PCDH15: variants seen among roughly 807,000 people sequenced by gnomAD.
PCDH15 encodes protocadherin related 15, also known as protocadherin-15.
Under a neutral mutation model 178.5 loss-of-function variants are expected in PCDH15, and 129 were observed. The observed-to-expected ratio is 0.72, with a 90% CI of 0.63 to 0.84. The LOEUF is 0.84. Ranked by LOEUF, PCDH15 falls within the 40% of genes least tolerant of loss-of-function variation. The pLI, the probability that PCDH15 is intolerant of heterozygous loss-of-function variation, is 0.00. For missense variants in PCDH15, 2,230 were observed against 2,099.9 expected (o/e 1.06, Z -1.21); for synonymous variants, 800 against 732.0 (o/e 1.09, Z -1.50).
In PCDH15 at chr10:53,849,874, A is replaced by G. The variant is rs2078240224; in HGVS notation, c.3806+7301T>C. 7.3e-5 allele frequency among the ~76,000 whole-genome samples: 11 copies of G among 150,512 alleles called. No homozygotes were observed. The South Asian group carries it at 2.1e-3, about 28-fold the overall frequency. On this transcript the variant is annotated intron_variant, in intron 28 of 37. Coordinates refer to ENST00000644397, the MANE Select transcript of PCDH15 (RefSeq NM_001384140.1). ...AGGCTCCGTCTCAAAAAAAAAAAAA[A>G]AAAAAAAAAGAAAGAAAGAAAAATT... is the stretch of plus-strand genomic sequence containing the variant.
chr10:55,060,548 T>G (rs1229418772), intron 2 of PCDH15, among the ~76,000 whole-genome samples: 1 of 152,000 alleles, frequency 6.6e-6, no homozygotes, highest in South Asian at 2.1e-4. Context: ...CAATATATTA[T>G]AGATCACAAA....
chr10:55,220,876 A>G (rs1840853929), intron 1 of PCDH15, among the ~76,000 whole-genome samples: 2 of 152,002 alleles, frequency 1.3e-5, no homozygotes, highest in South Asian at 4.1e-4. Context: ...TTTGTTTTCT[A>G]CAGATTCCTC....
At chr10:54,000,833 A>C (rs901934141) in intron 20 of PCDH15, among the ~76,000 whole-genome samples, 1 of 152,180 alleles carries the variant, frequency 6.6e-6, no homozygotes, top group Non-Finnish European at 1.5e-5. Context: ...ATCCAAGTAC[A>C]AAAGATTATA....
chr10:53,826,752 C>T (rs1488679357), intron 32 of PCDH15, among the ~76,000 whole-genome samples: 1 of 152,008 alleles, frequency 6.6e-6, no homozygotes, highest in Non-Finnish European at 1.5e-5. Flanking sequence ...AGTTTCAAAT[C>T]GTGCAGGAGA....
intron 3 of PCDH15, among the ~76,000 whole-genome samples, chr10:54,430,018 T>C (rs1337466626): frequency 6.7e-6 from 1 of 150,352 alleles, no homozygotes; most frequent in African/African-American, 2.4e-5. Context: ...TTTCATTCAA[T>C]AGCTGCAAAA....
chr10:55,491,786 C>T lies in PCDH15; in HGVS notation c.-156+135839G>A, dbSNP rs927617819. Among the ~76,000 whole-genome samples, 6 of 151,304 alleles carry T rather than the reference C, an allele frequency of 4.0e-5. No individual in the cohort carries two copies. In the East Asian group the frequency reaches 1.2e-3, roughly 30 times the overall value. ...AGAAATGTCAGCTCCAGAATAAAAG[C>T]AAATATGGCAGAACAGCCTGTTTAA... is the stretch of plus-strand genomic sequence containing the variant. On this transcript the variant is annotated intron_variant, in intron 2 of 5. Coordinates refer to the PCDH15 transcript ENST00000613346.
chr10:54,087,189 CAAT>C (rs2094528599), intron 16 of PCDH15, among the ~76,000 whole-genome samples: 1 of 149,822 alleles, frequency 6.7e-6, no homozygotes, highest in South Asian at 2.1e-4. Flanking sequence ...TAAAATCCAC[CAAT>C]TTAAAGGGTA....
At chr10:55,205,706 A>AAC (rs565804586) in intron 1 of PCDH15, among the ~76,000 whole-genome samples, 20 of 151,876 alleles carry the variant, frequency 1.3e-4, no homozygotes, top group Admixed American at 4.6e-4. Flanking sequence ...CCCCACCCTC[A>AAC]ACACACACAC....
rs757963596 is a variant in PCDH15 at position 55,211,152 on chromosome 10, G to A, written c.-155-44501C>T. ...GATGTGATGAAGGCAGTGGTAACAA[G>A]AATGAGACCAAAGGGGAAAGTGGGA... On this transcript the variant is annotated intron_variant, in intron 1 of 5. Transcript: ENST00000458638. Among the ~76,000 whole-genome samples the A allele has an allele frequency of 8.5e-5, 13 of 152,164 alleles. No individual in the cohort carries two copies. In the East Asian group the frequency reaches 1.5e-3, roughly 18 times the overall value.
At chr10:55,044,627 C>T (rs1385619659) in intron 2 of PCDH15, among the ~76,000 whole-genome samples, 1 of 152,078 alleles carries the variant, frequency 6.6e-6, no homozygotes, top group Non-Finnish European at 1.5e-5. Flanking sequence ...GTCAAATAAA[C>T]TATAATTACC....
chr10:54,154,609 A>C (rs2044895884), intron 13 of PCDH15, among the ~76,000 whole-genome samples: 1 of 152,204 alleles, frequency 6.6e-6, no homozygotes, highest in African/African-American at 2.4e-5. Flanking sequence ...TCCTCAATAA[A>C]TGTAAACAAA....
chr10:55,154,936 T>C (rs2132105708), intron 2 of PCDH15, among the ~76,000 whole-genome samples: 1 of 152,248 alleles, frequency 6.6e-6, no homozygotes, highest in South Asian at 2.1e-4. Context: ...ACCCCTGACA[T>C]ACTTAAGAGT....
At position 55,352,727 on chromosome 10, in the gene PCDH15, A is replaced by G. The variant is rs1844970011; in HGVS notation, c.-155-186076T>C. Among the ~76,000 whole-genome samples, 4 of 152,224 alleles carry G rather than the reference A, an allele frequency of 2.6e-5. No homozygotes were observed. In the South Asian group the frequency reaches 8.3e-4, roughly 32 times the overall value. On this transcript the variant is annotated intron_variant, in intron 2 of 5. Transcript: ENST00000613346. ...TAAGGCTCCATTTCTCTTTTGGACTATGATGTGTACCAAAAAGTGGATTTT... is the reference window on the plus strand; with the variant it reads ...TAAGGCTCCATTTCTCTTTTGGACTGTGATGTGTACCAAAAAGTGGATTTT...
intron 2 of PCDH15, among the ~76,000 whole-genome samples, chr10:54,991,925 T>A (rs1839510240): frequency 6.6e-6 from 1 of 152,040 alleles, no homozygotes; most frequent in Non-Finnish European, 1.5e-5. Context: ...CATTAGAAAC[T>A]CAAAACTATT....
chr10:54,052,782 C>T (rs992979576), intron 18 of PCDH15, among the ~76,000 whole-genome samples: 1 of 152,100 alleles, frequency 6.6e-6, no homozygotes, highest in East Asian at 1.9e-4. Context: ...ACCCAAATCT[C>T]ACCTTGAATT....
At chr10:53,936,900 T>C (rs79456009) in intron 25 of PCDH15, among the ~76,000 whole-genome samples, 2,588 of 152,218 alleles carry the variant, frequency 0.017, 74 homozygotes, top group African/African-American at 0.058. Flanking sequence ...GCATAACTAA[T>C]GGGCTGGGGA....
At chr10:53,995,831 T>C in intron 20 of PCDH15, 66 bp from the exon 21 acceptor site, 2 of 1,372,226 alleles carry the variant, frequency 1.5e-6, no homozygotes, top group South Asian at 2.3e-5. Context: ...GTTACTAGAT[T>C]GACTCCCAGT....
Position 55,401,594 on chromosome 10 carries a change from C to CTGTGTGTGTGTGTGTG in PCDH15, c.-156+226015_-156+226030dup, listed in dbSNP as rs3074786. ...TTCTTTACTGGACCAATTTGCCTTA[C>CTGTGTGTGTGTGTGTG]TGTGTGTGTGTGTGTGTGTGTGTGT... On this transcript the variant is annotated intron_variant, in intron 2 of 5. Transcript: ENST00000613346. Among the ~76,000 whole-genome samples, 502 of 133,168 alleles carry CTGTGTGTGTGTGTGTG rather than the reference C, an allele frequency of 3.8e-3. 6 individuals are homozygous for CTGTGTGTGTGTGTGTG. The highest frequency in any genetic ancestry group is 0.013 in the African/African-American group (456 of 33,974). 87.4% of individuals were successfully genotyped at this position (133,168 alleles called of 152,430 possible).
At chr10:54,117,183 G>T (rs1443586091) in intron 15 of PCDH15, among the ~76,000 whole-genome samples, 3 of 152,142 alleles carry the variant, frequency 2.0e-5, no homozygotes, top group Non-Finnish European at 4.4e-5. Context: ...TGGCAAAGGG[G>T]TGTGAAGGTG....
Sources: allele counts gnomAD v4.1 joint callset (sites outside exome capture counted in the v4.1 genomes callset), GRCh38; gene constraint gnomAD v4.1.1; transcripts MANE v1.5; gene names NCBI Gene and HGNC (gene_info 2026-07-23, HGNC 2026-07-21).